Variants in PTPRD observed in about 807,000 individuals in gnomAD.
PTPRD encodes protein tyrosine phosphatase receptor type D.
Under a neutral mutation model 214.5 loss-of-function variants are expected in PTPRD, and 34 were observed. The ratio of observed to expected loss-of-function variants is 0.16; its 90% CI spans 0.12 to 0.21. PTPRD has a LOEUF of 0.21. Among genes scored for constraint, PTPRD ranks in the 10% least tolerant of loss-of-function variants. The pLI is 1.00. For synonymous variants in PTPRD, 1,128 were observed against 845.7 expected, an observed-to-expected ratio of 1.33 and a Z score of -5.79; for missense variants, 2,545 against 2,398.7, an observed-to-expected ratio of 1.06 and a Z score of -1.27.
At chr9:9,113,692 A>AC (rs1206861873) in intron 10 of PTPRD, among the ~76,000 whole-genome samples, 1 of 152,114 alleles carries the variant, frequency 6.6e-6, no homozygotes, top group Admixed American at 6.6e-5. Context: ...GGTTAGGGGT[A>AC]ACATGTAGGA....
At chr9:9,219,771 CA>C (rs2099954596) in intron 9 of PTPRD, among the ~76,000 whole-genome samples, 1 of 152,138 alleles carries the variant, frequency 6.6e-6, no homozygotes, top group Non-Finnish European at 1.5e-5. Context: ...TTCTAACCTC[CA>C]CCCTGAGAGT....
chr9:8,849,345 T>G (rs2097768770), intron 11 of PTPRD, among the ~76,000 whole-genome samples: 1 of 151,830 alleles, frequency 6.6e-6, no homozygotes, highest in Non-Finnish European at 1.5e-5. Context: ...CCAGATAATT[T>G]TTGTATTTTT....
intron 11 of PTPRD, chr9:8,862,213 G>C (rs980078527): frequency 6.6e-6 from 1 of 152,108 alleles, no homozygotes; most frequent in Non-Finnish European, 1.5e-5. Flanking sequence ...AAAATTATCT[G>C]GGCGTGGTGG....
At chr9:9,016,792 T>C (rs764773065) in intron 11 of PTPRD, among the ~76,000 whole-genome samples, 34 of 152,278 alleles carry the variant, frequency 2.2e-4, no homozygotes, top group Admixed American at 1.2e-3. Flanking sequence ...TCCAGCAATG[T>C]TGACCAAGTT....
intron 39 of PTPRD, among the ~76,000 whole-genome samples, chr9:8,373,514 C>T (rs1394263950): frequency 6.6e-6 from 1 of 151,838 alleles, no homozygotes; most frequent in Non-Finnish European, 1.5e-5. Context: ...ATGTCAGCAG[C>T]TATTAGCTCA....
chr9:8,624,952 C>G (rs2095968523), intron 14 of PTPRD, among the ~76,000 whole-genome samples: 1 of 151,774 alleles, frequency 6.6e-6, no homozygotes, highest in Non-Finnish European at 1.5e-5. Context: ...CCCAAATGGT[C>G]TCTTAATGCA....
In PTPRD at chr9:10,298,920, C is replaced by T. The variant is rs928017980; in HGVS notation, c.-545+42043G>A. Among the ~76,000 whole-genome samples, 4 of 151,946 alleles carry T rather than the reference C, an allele frequency of 2.6e-5. No homozygotes were observed. The South Asian group carries it at 8.3e-4, about 31-fold the overall frequency. On this transcript the variant is annotated intron_variant, in intron 3 of 45. Transcript: ENST00000381196. ...TTAATTATATTTTGCCCATCTAGTT[C>T]ATTGATTAGAAAGTACCTAGAAACT...
intron 8 of PTPRD, among the ~76,000 whole-genome samples, chr9:9,571,057 A>T (rs551852659): frequency 6.6e-6 from 1 of 151,564 alleles, no homozygotes; most frequent in African/African-American, 2.4e-5. Context: ...TAGACTAAGG[A>T]CCCAGAGATG....
intron 10 of PTPRD, among the ~76,000 whole-genome samples, chr9:9,049,052 C>G (rs758116993): frequency 6.6e-6 from 1 of 152,202 alleles, no homozygotes; most frequent in Non-Finnish European, 1.5e-5. Flanking sequence ...CTTGCCATCC[C>G]TTGCTATATA....
At chr9:9,313,370 G>C (rs1047168743) in intron 9 of PTPRD, among the ~76,000 whole-genome samples, 1 of 152,106 alleles carries the variant, frequency 6.6e-6, no homozygotes, top group Non-Finnish European at 1.5e-5. Flanking sequence ...TGGTACAATT[G>C]TACCTGAAAA....
intron 36 of PTPRD, among the ~76,000 whole-genome samples, chr9:8,390,505 A>G (rs1500328): frequency 0.18 from 27,331 of 152,014 alleles, 3,305 homozygotes; most frequent in East Asian, 0.56. Context: ...AGCCCTTTAT[A>G]CTACTGATTA....
At chr9:9,745,887 C>A (rs978563358) in intron 6 of PTPRD, among the ~76,000 whole-genome samples, 1 of 152,112 alleles carries the variant, frequency 6.6e-6, no homozygotes. Flanking sequence ...AAGAGAACAA[C>A]TGAAATCACA....
intron 11 of PTPRD, among the ~76,000 whole-genome samples, chr9:8,810,034 C>A (rs2154522289): frequency 6.6e-6 from 1 of 152,296 alleles, no homozygotes; most frequent in East Asian, 1.9e-4. Context: ...CCTCTGGGCC[C>A]CAAGTGCTCC....
Position 8,905,363 on chromosome 9 carries a change from T to G in PTPRD, c.-104+113334A>C, listed in dbSNP as rs189314750. Among the ~76,000 whole-genome samples, 1,039 of 152,198 alleles carry G rather than the reference T, an allele frequency of 6.8e-3. 9 individuals carry two copies. Among genetic ancestry groups the G allele is most frequent in the Non-Finnish European group, 0.01 (686 of 68,004 alleles). On this transcript the variant is annotated intron_variant, in intron 11 of 45. Transcript: ENST00000381196. ...CCTCGGAAGTGCTATTTTCTTTCTG[T>G]GTACATTATGGCCCTCCAGATGCAC...
At chr9:10,513,464 G>A (rs952572613) in intron 2 of PTPRD, among the ~76,000 whole-genome samples, 1 of 152,134 alleles carries the variant, frequency 6.6e-6, no homozygotes, top group African/African-American at 2.4e-5. Context: ...GAAATTGGGA[G>A]TGGGAAGAAT....
rs183679316 is a variant in PTPRD, at chr9:9,798,776, A to C, written c.-367-31925T>G. 2.0e-5 allele frequency among the ~76,000 whole-genome samples: 3 copies of C among 152,320 alleles called. No homozygotes were observed. In the East Asian group the frequency reaches 5.8e-4, roughly 29 times the overall value. On this transcript the variant is annotated intron_variant, in intron 5 of 45. Coordinates refer to ENST00000381196, the MANE Select transcript of PTPRD (RefSeq NM_002839.4). ...CGCAGGTAAAATGACTGATTTATGA[A>C]GCAGACACAGCAAATTGGAAGCAAA...
At chr9:9,266,112 T>G (rs1326930723) in intron 9 of PTPRD, among the ~76,000 whole-genome samples, 2 of 151,484 alleles carry the variant, frequency 1.3e-5, no homozygotes, top group East Asian at 3.9e-4. Context: ...AAAATAGACT[T>G]TAAGTCAAAA....
chr9:9,164,143 AC>A (rs2099896605), intron 10 of PTPRD, among the ~76,000 whole-genome samples: 1 of 152,100 alleles, frequency 6.6e-6, no homozygotes, highest in Non-Finnish European at 1.5e-5. Context: ...AATTTATTAT[AC>A]TTCTGGAGCT....
At chr9:8,557,146 G>T (rs1350064923) in intron 14 of PTPRD, among the ~76,000 whole-genome samples, 1 of 152,040 alleles carries the variant, frequency 6.6e-6, no homozygotes, top group Admixed American at 6.6e-5. Flanking sequence ...GATGCAGTTT[G>T]CTTCTGTTAG....
Sources: allele counts gnomAD v4.1 joint callset (sites outside exome capture counted in the v4.1 genomes callset), GRCh38; gene constraint gnomAD v4.1.1; transcripts MANE v1.5; gene names NCBI Gene and HGNC (gene_info 2026-07-23, HGNC 2026-07-21).